The following RIMS1 variants were observed in gnomAD, a reference collection of about 807,000 sequenced individuals.
RIMS1 encodes the protein regulating synaptic membrane exocytosis 1.
RIMS1 carries 83 observed loss-of-function variants against 214.1 expected under a neutral mutation model. That is an observed-to-expected ratio of 0.39 (90% CI 0.32 to 0.47). The LOEUF (loss-of-function observed/expected upper bound fraction) is 0.47. Among genes scored for constraint, RIMS1 ranks in the 20% least tolerant of loss-of-function variants. RIMS1 has a pLI of 0.99. For missense variants in RIMS1, 2,050 were observed against 2,161.8 expected (o/e 0.95, Z 1.03); for synonymous variants, 793 against 786.8 (o/e 1.01, Z -0.13).
chr6:71,955,610 C>T (rs1170490582), intron 1 of RIMS1, among the ~76,000 whole-genome samples: 2 of 151,992 alleles, frequency 1.3e-5, no homozygotes, highest in Non-Finnish European at 2.9e-5. Flanking sequence ...GGATTCAAGT[C>T]CTATCTGTGT....
At position 72,233,701 on chromosome 6, in the gene RIMS1, G is replaced by A. The variant is rs535959669; in HGVS notation, c.1679-72G>A. 91 of 1,095,612 alleles carry A rather than the reference G, an allele frequency of 8.3e-5. No individual in the cohort carries two copies. In the East Asian group the frequency reaches 2.1e-3, roughly 26 times the overall value. 67.9% of individuals were successfully genotyped at this position (1,095,612 alleles called of 1,614,324 possible). ...ATATTAAAACTCTTTATAGATCGAAGAAGTAAAGCTTAAAGTGATACACTC... is the reference window on the plus strand; with the variant it reads ...ATATTAAAACTCTTTATAGATCGAAAAAGTAAAGCTTAAAGTGATACACTC... On this transcript the variant is annotated intron_variant, in intron 6 of 33. Coordinates refer to ENST00000521978, the MANE Select transcript of RIMS1 (RefSeq NM_014989.7).
intron 6 of RIMS1, among the ~76,000 whole-genome samples, chr6:72,183,569 GT>G (rs3046908): frequency 0.26 from 37,711 of 142,834 alleles, 5,564 homozygotes; most frequent in Non-Finnish European, 0.34. Context: ...TGCAAAGGTA[GT>G]TTTTTTTTTT....
intron 29 of RIMS1, among the ~76,000 whole-genome samples, chr6:72,368,308 T>A: frequency 7.0e-6 from 1 of 142,766 alleles, no homozygotes; most frequent in Admixed American, 6.9e-5. Flanking sequence ...TTTTTTTTTT[T>A]TTTTTTTTTT....
chr6:72,377,246 C>T (rs77572124), intron 29 of RIMS1, among the ~76,000 whole-genome samples: 18 of 152,108 alleles, frequency 1.2e-4, no homozygotes, highest in Admixed American at 2.0e-4. Context: ...AGTGTCCTTG[C>T]GCACGTGTTC....
chr6:71,998,410 T>C (rs1257923084), intron 2 of RIMS1, among the ~76,000 whole-genome samples: 1 of 152,088 alleles, frequency 6.6e-6, no homozygotes, highest in Non-Finnish European at 1.5e-5. Context: ...TGTGCTGTGC[T>C]ATTATTCCTT....
intron 1 of RIMS1, among the ~76,000 whole-genome samples, chr6:71,935,806 A>G (rs914712015): frequency 2.0e-5 from 3 of 152,198 alleles, no homozygotes; most frequent in African/African-American, 7.2e-5. Context: ...CAATTTCAAA[A>G]TCTCCCTCTC....
chr6:72,356,946 T>C (rs1218253321), intron 29 of RIMS1, among the ~76,000 whole-genome samples: 1 of 152,156 alleles, frequency 6.6e-6, no homozygotes, highest in Non-Finnish European at 1.5e-5. Flanking sequence ...ATTCCTCCTA[T>C]GAATATAATT....
At chr6:72,177,174 G>C (rs1305115711) in intron 4 of RIMS1, among the ~76,000 whole-genome samples, 1 of 151,912 alleles carries the variant, frequency 6.6e-6, no homozygotes, top group African/African-American at 2.4e-5. Context: ...TGTGTTTTCT[G>C]GTTTTTTAAA....
chr6:72,399,202 GATAAT>G (rs1469483534), intron 33 of RIMS1, 108 bp downstream of exon 33: 1 of 894,546 alleles, frequency 1.1e-6, no homozygotes, highest in African/African-American at 1.7e-5. Context: ...ATAAATGTAG[GATAAT>G]ATTCTTGAGT....
chr6:72,077,985 A>G (rs1832343809), intron 2 of RIMS1, among the ~76,000 whole-genome samples: 1 of 152,174 alleles, frequency 6.6e-6, no homozygotes, highest in African/African-American at 2.4e-5. Flanking sequence ...AATTTATAAC[A>G]CAATCCCCCC....
At chr6:72,366,294 T>TA (rs374472017) in intron 29 of RIMS1, among the ~76,000 whole-genome samples, 77 of 152,292 alleles carry the variant, frequency 5.1e-4, no homozygotes, top group Middle Eastern at 3.4e-3. Context: ...GCCAAGTGAG[T>TA]ACAACACAAG....
At chr6:72,235,545 C>G in intron 7 of RIMS1, 73 bp from the exon 8 acceptor site, 1 of 956,410 alleles carries the variant, frequency 1.0e-6, no homozygotes, top group Non-Finnish European at 1.6e-6. Flanking sequence ...AATGACAAGA[C>G]TTCATTCTTT....
At chr6:72,390,798 A>G (rs2098690516) in intron 30 of RIMS1, 62 bp downstream of exon 30, 2 of 1,566,122 alleles carry the variant, frequency 1.3e-6, no homozygotes, top group Non-Finnish European at 1.7e-6. Context: ...AATCAGTAAG[A>G]TAACAAAGCC....
rs200783988 is a variant in RIMS1, at chr6:72,008,983, A to G, written c.245+39920A>G. On this transcript the variant is annotated intron_variant, in intron 2 of 33. Coordinates refer to ENST00000521978, the MANE Select transcript of RIMS1 (RefSeq NM_014989.7). ...TCTGCACCAAGCGGGCCTAAAAGAC[A>G]CCTACAGAACTCTCCACCCCAAATC... 2.4e-4 allele frequency among the ~76,000 whole-genome samples: 36 copies of G among 152,302 alleles called. 1 individual carries two copies. In the East Asian group the frequency reaches 7.0e-3, roughly 29 times the overall value.
chr6:71,936,346 A>AG, intron 1 of RIMS1, among the ~76,000 whole-genome samples: 1 of 145,490 alleles, frequency 6.9e-6, no homozygotes, highest in Non-Finnish European at 1.5e-5. Context: ...AAAAAAAAAA[A>AG]AAAAAAGAAA....
chr6:72,265,538 C>A, intron 21 of RIMS1, 35 bp downstream of exon 21: 1 of 1,288,508 alleles, frequency 7.8e-7, no homozygotes, highest in Non-Finnish European at 1.1e-6. Context: ...TTCCGTTTCC[C>A]TTGTTTATTG....
chr6:72,241,312 G>A (rs1322777835), intron 9 of RIMS1, among the ~76,000 whole-genome samples: 2 of 152,060 alleles, frequency 1.3e-5, no homozygotes, highest in Non-Finnish European at 2.9e-5. Context: ...AACAAAATAA[G>A]CATGAGCATC....
At chr6:72,342,084 G>A (rs2097112098) in intron 29 of RIMS1, among the ~76,000 whole-genome samples, 1 of 151,690 alleles carries the variant, frequency 6.6e-6, no homozygotes, top group African/African-American at 2.4e-5. Flanking sequence ...TTTCTCCCCT[G>A]TGCAGATCCT....
At chr6:72,072,014 C>T (rs1405281048) in intron 2 of RIMS1, among the ~76,000 whole-genome samples, 1 of 152,036 alleles carries the variant, frequency 6.6e-6, no homozygotes, top group African/African-American at 2.4e-5. Context: ...ATGTTAAGCT[C>T]AATATAAAAA....
Sources: gnomAD v4.1 joint callset for allele counts (sites outside exome capture counted in the v4.1 genomes callset) on GRCh38, gnomAD v4.1.1 for gene constraint, MANE v1.5 for transcripts, NCBI Gene and HGNC (gene_info 2026-07-23, HGNC 2026-07-21) for gene names.